ARFGAP2: variants seen among roughly 807,000 people sequenced by gnomAD.
ARFGAP2 encodes the protein ARF GTPase activating protein 2, also known as ADP-ribosylation factor GTPase-activating protein 2.
In ARFGAP2, 45 loss-of-function variants were observed where a neutral mutation model predicts 71.9. That is an observed-to-expected ratio of 0.63 (90% confidence interval 0.49 to 0.80). The LOEUF is 0.80. Ranked by LOEUF, ARFGAP2 falls within the 30% of genes least tolerant of loss-of-function variation. The probability of loss-of-function intolerance (pLI) is 0.00; values close to 1 mark genes in which losing one functional copy is unlikely to be tolerated. For missense variants in ARFGAP2, 633 were observed against 673.9 expected (o/e 0.94, Z 0.67); for synonymous variants, 248 against 249.2 (o/e 1.00, Z 0.05).
At chr11:47,170,244 A>C (rs1952542059) in intron 10 of ARFGAP2, among the ~76,000 whole-genome samples, 1 of 149,938 alleles carries the variant, frequency 6.7e-6, no homozygotes, top group African/African-American at 2.5e-5. Context: ...GAATTGCTTG[A>C]ATCTGGGAGG....
chr11:47,165,362 A>T lies in ARFGAP2; in HGVS notation c.*120T>A. On this transcript the variant is annotated 3_prime_UTR_variant, in exon 16 of 16. Transcript: ENST00000524782. ...GCGCCTCAAAGGCCACCCCACACAC[A>T]CACCACACATACGAAGTAACAAATC... is the stretch of plus-strand genomic sequence containing the variant. The T allele has an allele frequency of 1.5e-6, 2 of 1,351,056 alleles. No individual in the cohort carries two copies. The highest frequency in any genetic ancestry group is 2.0e-6 in the Non-Finnish European group (2 of 992,876). 83.7% of individuals were successfully genotyped at this position (1,351,056 alleles called of 1,614,324 possible).
At chr11:47,170,461 C>T (rs1952555672) in intron 10 of ARFGAP2, among the ~76,000 whole-genome samples, 1 of 151,884 alleles carries the variant, frequency 6.6e-6, no homozygotes, top group Admixed American at 6.6e-5. Flanking sequence ...GCCTGGCCAA[C>T]ATGGTGAAAC....
chr11:47,172,357 G>C (rs1952637291), intron 7 of ARFGAP2, 24 bp from the exon 8 acceptor site: 2 of 1,613,906 alleles, frequency 1.2e-6, no homozygotes, highest in African/African-American at 2.7e-5. Context: ...GGGTAGGCAT[G>C]AGCTAAGACA....
chr11:47,173,444 A>T lies in ARFGAP2; in HGVS notation c.601T>A (p.Ser201Thr). Residue 201 changes from serine (S) to threonine (T), a missense_variant, in exon 7 of 16, where the codon TCA (serine) becomes ACA (threonine). Coordinates refer to ENST00000524782, the MANE Select transcript of ARFGAP2 (RefSeq NM_032389.6). ...HGPNTDLLGT[S>T]PKASLELKSS... ...TACTGACCCAGTGAGGCTTTGGGTG[A>T]GGTGCCAAGCAGGTCTGTGTTGGGG... The T allele has an allele frequency of 6.4e-7, 1 of 1,557,750 alleles. No homozygotes were observed. The highest frequency in any genetic ancestry group is 2.4e-5 in the East Asian group (1 of 41,758).
rs1366005463 is a variant in ARFGAP2, at chr11:47,173,418, A to C, written c.619+8T>G. ...AGACACCCCACGCCTGCCCGCTGGC[A>C]TACTGACCCAGTGAGGCTTTGGGTG... On this transcript the variant is annotated splice_region_variant and intron_variant, in intron 7 of 15. Transcript: ENST00000524782. The C allele has an allele frequency of 6.4e-7, 1 of 1,553,800 alleles. No homozygotes were observed. The highest frequency in any genetic ancestry group is 1.9e-5 in the Admixed American group (1 of 51,398).
Position 47,165,508 on chromosome 11 carries a change from G to T in ARFGAP2, c.1546-6C>A. 1 of 1,546,948 alleles carries T rather than the reference G, an allele frequency of 6.5e-7. No individual in the cohort carries two copies. The highest frequency in any genetic ancestry group is 2.4e-5 in the East Asian group (1 of 42,042). On this transcript the variant is annotated splice_polypyrimidine_tract_variant and splice_region_variant and intron_variant, in intron 15 of 15. Coordinates refer to ENST00000524782, the MANE Select transcript of ARFGAP2 (RefSeq NM_032389.6). ...CAGTAGGAACCGTAGCGATCCTGGGGGCGAGGGGGGAGAAAAAAAAAAAAA... is the reference window on the plus strand; with the variant it reads ...CAGTAGGAACCGTAGCGATCCTGGGTGCGAGGGGGGAGAAAAAAAAAAAAA...
At chr11:47,174,330 G>A (rs1952711956) in intron 5 of ARFGAP2, 2 of 161,818 alleles carry the variant, frequency 1.2e-5, no homozygotes, top group Admixed American at 1.2e-4. Context: ...GTGGGGCGGG[G>A]AGGAGAGAAT....
chr11:47,168,417 G>A, intron 10 of ARFGAP2, 166 bp from the exon 11 acceptor site: 1 of 840,708 alleles, frequency 1.2e-6, no homozygotes, highest in Admixed American at 2.9e-5. Context: ...AAGGCTAGCT[G>A]TGTGTGGTGA....
At position 47,171,676 on chromosome 11, in the gene ARFGAP2, G is replaced by A. The variant is rs201018164; in HGVS notation, c.797C>T (p.Ala266Val). The A allele has an allele frequency of 9.9e-6, 16 of 1,613,636 alleles. No homozygotes were observed. The highest frequency in any genetic ancestry group is 2.2e-5 in the East Asian group (1 of 44,886). ...AGCAAACACTTACATGGACTCCTCCGCCTGCTTCTTGGCATCGGCTGCCTG... is the reference window on the plus strand; with the variant it reads ...AGCAAACACTTACATGGACTCCTCCACCTGCTTCTTGGCATCGGCTGCCTG... Reference protein sequence around the residue: ...EQQAADAKKQAEESMVASMRL... With the variant: ...EQQAADAKKQVEESMVASMRL... Residue 266 changes from alanine (A) to valine (V), a missense_variant, in exon 9 of 16, where the codon GCG (alanine) becomes GTG (valine). Physicochemically the swap from Ala to Val is moderately conservative, Grantham distance 64. Transcript: ENST00000524782.
At chr11:47,169,929 C>T (rs1291190002) in intron 10 of ARFGAP2, among the ~76,000 whole-genome samples, 2 of 151,966 alleles carry the variant, frequency 1.3e-5, no homozygotes, top group Non-Finnish European at 2.9e-5. Flanking sequence ...ACCCAGTCAT[C>T]TATTAACCCA....
rs376828764 is a variant in ARFGAP2 at position 47,166,925 on chromosome 11, T to C, written c.1206-39A>G. ...GTGGAATATCTCGGACTCCTCCCAT[T>C]ATCATCAGGGGAGGCAGAGTACAGA... On this transcript the variant is annotated intron_variant, in intron 12 of 15. Coordinates refer to ENST00000524782, the MANE Select transcript of ARFGAP2 (RefSeq NM_032389.6). The C allele has an allele frequency of 4.1e-5, 66 of 1,599,084 alleles. No individual in the cohort carries two copies. The African/African-American group carries it at 8.6e-4, about 21-fold the overall frequency.
intron 2 of ARFGAP2, 34 bp downstream of exon 2, chr11:47,176,482 G>T: frequency 6.3e-7 from 1 of 1,596,956 alleles, no homozygotes; most frequent in South Asian, 1.1e-5. Context: ...CTGGCCGGCC[G>T]GGTGGAAACA....
intron 13 of ARFGAP2, 51 bp from the exon 14 acceptor site, chr11:47,166,650 G>A (rs371705426): frequency 9.0e-5 from 145 of 1,605,680 alleles, no homozygotes; most frequent in Non-Finnish European, 1.2e-4. Context: ...GATGACCCAA[G>A]GACTCACACA....
rs780303745 is a variant in ARFGAP2, at chr11:47,173,837, G to C, written c.484C>G (p.Pro162Ala). 2 of 1,597,870 alleles carry C rather than the reference G, an allele frequency of 1.3e-6. No individual in the cohort carries two copies. Among genetic ancestry groups the C allele is most frequent in the South Asian group, 1.1e-5 (1 of 88,352 alleles). Residue 162 changes from proline (P) to alanine (A), a missense_variant, in exon 6 of 16, where the codon CCT becomes GCT. Pro to Ala is a conservative substitution (Grantham distance 27). Coordinates refer to ENST00000524782, the MANE Select transcript of ARFGAP2 (RefSeq NM_032389.6). ...TCAGTGGCTGGCGCATCCCAGGCAGGGGGCTGAAAAGGAGGCCAGATCACA... is the reference window on the plus strand; with the variant it reads ...TCAGTGGCTGGCGCATCCCAGGCAGCGGGCTGAAAAGGAGGCCAGATCACA... ...SDFFTEHTQP[P>A]AWDAPATEPS...
chr11:47,176,259 C>T (rs2135441807), intron 2 of ARFGAP2: 2 of 591,274 alleles, frequency 3.4e-6, no homozygotes, highest in South Asian at 2.1e-5. Flanking sequence ...GCCTCCCTTT[C>T]CCCTCAACTA....
intron 5 of ARFGAP2, 165 bp from the exon 6 acceptor site, chr11:47,174,005 A>G: frequency 1.5e-6 from 2 of 1,359,228 alleles, no homozygotes; most frequent in Non-Finnish European, 2.0e-6. Flanking sequence ...CTGTGGAAGA[A>G]AGCAGGAAGA....
intron 7 of ARFGAP2, 60 bp downstream of exon 7, chr11:47,173,366 A>G (rs1414977767): frequency 6.5e-7 from 1 of 1,538,860 alleles, no homozygotes; most frequent in Non-Finnish European, 8.8e-7. Flanking sequence ...GACCTCTGAA[A>G]AGAACATTTG....
At position 47,173,821 on chromosome 11, in the gene ARFGAP2, G is replaced by A. The variant is rs1054145715; in HGVS notation, c.500C>T (p.Pro167Leu). The change falls in exon 6 of 16, where the codon CCA (proline) becomes CTA (leucine). Residue 167 changes from proline to leucine, a missense_variant. Transcript: ENST00000524782. ...EHTQPPAWDA[P>L]ATEPSGTQQP... ...CTGGGTCCCTGAAGGCTCAGTGGCTGGCGCATCCCAGGCAGGGGGCTGAAA... is the reference window on the plus strand; with the variant it reads ...CTGGGTCCCTGAAGGCTCAGTGGCTAGCGCATCCCAGGCAGGGGGCTGAAA... 20 of 1,602,606 alleles carry A rather than the reference G, an allele frequency of 1.2e-5. No individual in the cohort carries two copies. The highest frequency in any genetic ancestry group is 1.6e-5 in the Non-Finnish European group (19 of 1,175,018).
chr11:47,174,027 C>A, intron 5 of ARFGAP2, 187 bp from the exon 6 acceptor site: 8 of 1,087,430 alleles, frequency 7.4e-6, no homozygotes, highest in Non-Finnish European at 1.3e-6. Flanking sequence ...AAGCAGCCCC[C>A]ACCCCAACCC....
Sources: allele counts gnomAD v4.1 joint callset (sites outside exome capture counted in the v4.1 genomes callset), GRCh38; gene constraint gnomAD v4.1.1; transcripts MANE v1.5; gene names NCBI Gene and HGNC (gene_info 2026-07-23, HGNC 2026-07-21).